RASGRF2: variants seen among roughly 807,000 people sequenced by gnomAD.
The protein encoded by RASGRF2 is Ras protein specific guanine nucleotide releasing factor 2.
RASGRF2 carries 76 observed loss-of-function variants against 151.0 expected under a neutral mutation model. That is an observed-to-expected ratio of 0.50 (90% CI 0.42 to 0.61). The LOEUF is 0.61. Ranked by LOEUF, RASGRF2 falls within the 20% of genes least tolerant of loss-of-function variation. RASGRF2 has a pLI of 0.00. For synonymous variants in RASGRF2, 504 were observed against 566.5 expected (o/e 0.89, Z 1.57); for missense variants, 1,148 against 1,564.6 (o/e 0.73, Z 4.49).
At chr5:81,221,043 T>C (rs1226968625) in intron 26 of RASGRF2, among the ~76,000 whole-genome samples, 6 of 152,162 alleles carry the variant, frequency 3.9e-5, no homozygotes, top group African/African-American at 1.4e-4. Flanking sequence ...TTATGGGTTA[T>C]TGGAAGGAAG....
At chr5:81,101,153 A>G (rs1437120039) in intron 12 of RASGRF2, among the ~76,000 whole-genome samples, 2 of 152,218 alleles carry the variant, frequency 1.3e-5, no homozygotes, top group East Asian at 3.8e-4. Context: ...TGTAATTCAT[A>G]TAAATTCAAG....
chr5:81,201,589 C>A, intron 19 of RASGRF2, 147 bp downstream of exon 19: 1 of 927,972 alleles, frequency 1.1e-6, no homozygotes, highest in Non-Finnish European at 1.6e-6. Context: ...CTTCTCTTTC[C>A]TGGGGGCAAT....
chr5:81,192,303 G>A (rs17227696), intron 18 of RASGRF2, among the ~76,000 whole-genome samples: 18,484 of 152,222 alleles, frequency 0.12, 1,270 homozygotes, highest in Middle Eastern at 0.15. Context: ...TGACTAGTAA[G>A]TATTGAACGT....
intron 12 of RASGRF2, among the ~76,000 whole-genome samples, chr5:81,101,799 T>C (rs1269863494): frequency 6.6e-6 from 1 of 152,224 alleles, no homozygotes; most frequent in East Asian, 1.9e-4. Flanking sequence ...TTTGTTCTCC[T>C]GAAACTTGAA....
chr5:81,127,080 C>T lies in RASGRF2; in HGVS notation c.2603C>T (p.Thr868Met), dbSNP rs752271804. 2.5e-5 allele frequency: 40 copies of T among 1,613,822 alleles called. No homozygotes were observed. The highest frequency in any genetic ancestry group is 6.7e-5 in the East Asian group (3 of 44,894). The change falls in exon 17 of 27, where the codon ACG becomes ATG. Residue 868 changes from threonine (T) to methionine (M), a missense_variant. Thr to Met is a moderately conservative substitution (Grantham distance 81). Coordinates refer to ENST00000265080, the MANE Select transcript of RASGRF2 (RefSeq NM_006909.3). ...HLRYRQPGGQ[T>M]ADNAHCSVSP... ...TTTCTTTTCAAATAACCAGGACAGA[C>T]GGCGGACAATGCCCACTGCTCTGTT...
At chr5:81,025,322 T>G (rs1749980359) in intron 1 of RASGRF2, among the ~76,000 whole-genome samples, 1 of 152,154 alleles carries the variant, frequency 6.6e-6, no homozygotes, top group African/African-American at 2.4e-5. Flanking sequence ...CATTAGCCCT[T>G]CCGATTCTTG....
rs139816494 is a variant in RASGRF2, at chr5:81,040,687, G to C, written c.289-2190G>C. On this transcript the variant is annotated intron_variant, in intron 1 of 26. Transcript: ENST00000265080. ...TAGAACCTTGGTTCCTGTGCTTTTT[G>C]CTATGGCTTTGCCTCTCATTTTTGT... Among the ~76,000 whole-genome samples the C allele has an allele frequency of 3.7e-3, 556 of 152,252 alleles. 3 individuals carry two copies. The highest frequency in any genetic ancestry group is 6.3e-3 in the Non-Finnish European group (428 of 68,008).
chr5:81,011,462 C>G (rs1474887696), intron 1 of RASGRF2, among the ~76,000 whole-genome samples: 1 of 152,122 alleles, frequency 6.6e-6, no homozygotes, highest in East Asian at 1.9e-4. Context: ...TTACTTGGGG[C>G]CCGGCACGGT....
chr5:81,141,807 T>A (rs1270865860), intron 17 of RASGRF2, among the ~76,000 whole-genome samples: 1 of 152,170 alleles, frequency 6.6e-6, no homozygotes. Flanking sequence ...GCAGTTAGCA[T>A]TGAAGGATCT....
chr5:81,047,868 C>G (rs896579560), intron 2 of RASGRF2, among the ~76,000 whole-genome samples: 2 of 152,178 alleles, frequency 1.3e-5, no homozygotes, highest in African/African-American at 4.8e-5. Flanking sequence ...CATTCTCTCT[C>G]TCCCTTAAAA....
At chr5:81,064,551 T>G (rs538588679) in intron 2 of RASGRF2, among the ~76,000 whole-genome samples, 2 of 152,228 alleles carry the variant, frequency 1.3e-5, no homozygotes, top group South Asian at 4.1e-4. Context: ...TATAGGGGCC[T>G]TTTGTGGTGA....
chr5:81,205,516 A>C (rs1338740489), intron 19 of RASGRF2, among the ~76,000 whole-genome samples: 6 of 152,334 alleles, frequency 3.9e-5, no homozygotes, highest in South Asian at 2.1e-4. Flanking sequence ...CCTGGCATAG[A>C]GCGGGCATAC....
At position 81,229,206 on chromosome 5, in the gene RASGRF2, TTAAAG is replaced by T. The variant is rs554035212; in HGVS notation, c.*3439_*3443del. On this transcript the variant is annotated 3_prime_UTR_variant, in exon 27 of 27. Coordinates refer to ENST00000265080, the MANE Select transcript of RASGRF2 (RefSeq NM_006909.3). Reference sequence around the variant, plus strand: ...CCCCTTGAAAAAAAATCTCTTCACTTTAAAGTATAAAGGTTTTTAAAAATCCAATT... The same window carrying T: ...CCCCTTGAAAAAAAATCTCTTCACTTTATAAAGGTTTTTAAAAATCCAATT... 10 of 152,304 alleles carry T rather than the reference TTAAAG, an allele frequency of 6.6e-5. 1 individual carries two copies. Among genetic ancestry groups the T allele is most frequent in the South Asian group, 4.1e-4 (2 of 4,822 alleles). The allele number at this position is 152,304 out of a possible 1,614,324, so 9.4% of individuals were successfully genotyped here.
intron 13 of RASGRF2, among the ~76,000 whole-genome samples, chr5:81,109,373 T>C (rs1288688618): frequency 1.3e-5 from 2 of 152,308 alleles, no homozygotes; most frequent in South Asian, 2.1e-4. Context: ...ATTAAAATAA[T>C]AGGCCAGGTG....
rs558354251 is a variant in RASGRF2, at chr5:81,057,198, C to T, written c.396-10834C>T. Among the ~76,000 whole-genome samples, 551 of 152,096 alleles carry T rather than the reference C, an allele frequency of 3.6e-3. 3 individuals are homozygous for T. Among genetic ancestry groups the T allele is most frequent in the African/African-American group, 0.011 (471 of 41,470 alleles). On this transcript the variant is annotated intron_variant, in intron 2 of 26. Coordinates refer to ENST00000265080, the MANE Select transcript of RASGRF2 (RefSeq NM_006909.3). ...ATGATGTTAGCTGGTTATTTTGCTCCTTAGTTGATGCAGTTTCTTCCTAGC... is the reference window on the plus strand; with the variant it reads ...ATGATGTTAGCTGGTTATTTTGCTCTTTAGTTGATGCAGTTTCTTCCTAGC...
At chr5:81,083,494 G>C (rs1490092578) in intron 7 of RASGRF2, among the ~76,000 whole-genome samples, 5 of 152,124 alleles carry the variant, frequency 3.3e-5, no homozygotes, top group Admixed American at 2.6e-4. Context: ...TTAGTCAGTT[G>C]CTGCTGTTAT....
intron 12 of RASGRF2, among the ~76,000 whole-genome samples, chr5:81,095,794 G>A (rs1017810191): frequency 6.6e-5 from 10 of 152,140 alleles, no homozygotes; most frequent in African/African-American, 2.4e-4. Context: ...AAGACAAGTG[G>A]AAACATGAAT....
chr5:81,117,051 T>C (rs1386501884), intron 15 of RASGRF2, among the ~76,000 whole-genome samples: 1 of 152,216 alleles, frequency 6.6e-6, no homozygotes, highest in Non-Finnish European at 1.5e-5. Flanking sequence ...CCACTTTAAC[T>C]TGTTGTGCAG....
chr5:81,003,875 T>C (rs1041122067), intron 1 of RASGRF2, among the ~76,000 whole-genome samples: 3 of 152,192 alleles, frequency 2.0e-5, no homozygotes, highest in Admixed American at 6.5e-5. Context: ...CCCCAAACCA[T>C]GGTGAGCTGA....
Sources: allele counts gnomAD v4.1 joint callset (sites outside exome capture counted in the v4.1 genomes callset), GRCh38; gene constraint gnomAD v4.1.1; transcripts MANE v1.5; gene names NCBI Gene and HGNC (gene_info 2026-07-23, HGNC 2026-07-21).